GNAO1: variants seen among roughly 807,000 people sequenced by gnomAD.
GNAO1 encodes the protein G protein subunit alpha o1.
For missense variants in GNAO1, 166 were observed against 478.7 expected (o/e 0.35, Z 6.10); for synonymous variants, 164 against 180.7 (o/e 0.91, Z 0.74).
Position 56,354,318 on chromosome 16 carries a change from C to G in GNAO1, c.878-548C>G, listed in dbSNP as rs1215532510. Among the ~76,000 whole-genome samples the G allele has an allele frequency of 1.3e-5, 2 of 152,180 alleles. No homozygotes were observed. The highest frequency in any genetic ancestry group is 3.9e-4 in the East Asian group (2 of 5,176). On this transcript the variant is annotated intron_variant, in intron 7 of 8. Transcript: ENST00000262493. This position sits in a 1 kb window ranked among gnomAD's most constrained non-coding sequence, Gnocchi z 4.3. ...AGATCTTGCAAAGTCCAAAGCCAGGCAAATGCTCAGCCTGTGTATGGTTGG... is the reference window on the plus strand; with the variant it reads ...AGATCTTGCAAAGTCCAAAGCCAGGGAAATGCTCAGCCTGTGTATGGTTGG...
At chr16:56,266,283 G>T (rs1223590269) in intron 2 of GNAO1, among the ~76,000 whole-genome samples, 2 of 152,186 alleles carry the variant, frequency 1.3e-5, no homozygotes, top group African/African-American at 2.4e-5. Flanking sequence ...TCAGTGGGGG[G>T]ATTGAAGGAG....
chr16:56,325,009 C>G (rs1276638844), intron 3 of GNAO1, among the ~76,000 whole-genome samples: 1 of 152,252 alleles, frequency 6.6e-6, no homozygotes, highest in African/African-American at 2.4e-5. Flanking sequence ...CTTCCAGATG[C>G]TGACCTCATT....
At chr16:56,256,561 A>G (rs1457954139) in intron 2 of GNAO1, among the ~76,000 whole-genome samples, 1 of 152,062 alleles carries the variant, frequency 6.6e-6, no homozygotes, top group Non-Finnish European at 1.5e-5. Flanking sequence ...CAGTTCTCTA[A>G]TTTAGGATTG....
rs532816111 is a variant in GNAO1 at position 56,326,168 on chromosome 16, C to T, written c.304-2463C>T. Among the ~76,000 whole-genome samples, 97 of 152,210 alleles carry T rather than the reference C, an allele frequency of 6.4e-4. No individual in the cohort carries two copies. The highest frequency in any genetic ancestry group is 1.1e-3 in the Non-Finnish European group (77 of 68,042). On this transcript the variant is annotated intron_variant, in intron 3 of 8. Transcript: ENST00000262493. The surrounding 1 kb of genome is among the most constrained non-coding windows in gnomAD (Gnocchi z 4.8). ...GCCTCTTCCTGTCGCTGGGACATCT[C>T]GCAGTGCCACTCTGCTGGTGCACAC...
rs549484917 is a variant in GNAO1, at chr16:56,215,303, T to A, written c.161+22687T>A. The stretch of plus-strand genomic sequence containing the variant: ...TCAAGGTCCCATAGAGATGACTTCT[T>A]TGTCTATCTGAGTTTCGTAGACACA... On this transcript the variant is annotated intron_variant, in intron 2 of 8. Coordinates refer to ENST00000262493, the MANE Select transcript of GNAO1 (RefSeq NM_020988.3). Among the ~76,000 whole-genome samples the A allele has an allele frequency of 3.3e-5, 5 of 152,320 alleles. No homozygotes were observed. In the South Asian group the frequency reaches 1.0e-3, roughly 32 times the overall value.
At chr16:56,268,697 C>CA (rs2036982998) in intron 2 of GNAO1, among the ~76,000 whole-genome samples, 1 of 152,198 alleles carries the variant, frequency 6.6e-6, no homozygotes, top group Non-Finnish European at 1.5e-5. Context: ...CACATCCTCA[C>CA]ATAATAACTC....
chr16:56,194,073 C>A, intron 2 of GNAO1: 1 of 455,504 alleles, frequency 2.2e-6, no homozygotes, highest in South Asian at 1.5e-5. Context: ...GCATGACAAG[C>A]GGGTTCTAGG....
chr16:56,290,573 A>G (rs2143558211), intron 3 of GNAO1, among the ~76,000 whole-genome samples: 1 of 152,350 alleles, frequency 6.6e-6, no homozygotes, highest in African/African-American at 2.4e-5. Flanking sequence ...ACTTGTTCAT[A>G]GGCCCTCTTG....
At chr16:56,254,641 T>G (rs557601139) in intron 2 of GNAO1, among the ~76,000 whole-genome samples, 1 of 152,308 alleles carries the variant, frequency 6.6e-6, no homozygotes, top group South Asian at 2.1e-4. Flanking sequence ...ATCTGGCATC[T>G]TCTGTTTTTA....
chr16:56,235,227 G>A (rs753043389), intron 2 of GNAO1: 5 of 437,442 alleles, frequency 1.1e-5, no homozygotes, highest in Non-Finnish European at 2.3e-5. Context: ...CAAAGAGATT[G>A]CAGGACTTCC....
At chr16:56,223,612 A>G (rs2036510301) in intron 2 of GNAO1, among the ~76,000 whole-genome samples, 1 of 152,168 alleles carries the variant, frequency 6.6e-6, no homozygotes, top group African/African-American at 2.4e-5. Flanking sequence ...ACAGTGACCT[A>G]GGGAAATTTG....
intron 6 of GNAO1, among the ~76,000 whole-genome samples, chr16:56,338,384 G>T (rs2037763473): frequency 6.6e-6 from 1 of 152,220 alleles, no homozygotes; most frequent in Non-Finnish European, 1.5e-5. Flanking sequence ...CCTGGGCCGT[G>T]CTTGGACCCA....
chr16:56,325,375 T>C (rs752540758), intron 3 of GNAO1, among the ~76,000 whole-genome samples: 1 of 152,008 alleles, frequency 6.6e-6, no homozygotes, highest in Non-Finnish European at 1.5e-5. Context: ...ACTCAGGAGG[T>C]TAAGCCAGGA....
intron 2 of GNAO1, among the ~76,000 whole-genome samples, chr16:56,267,780 C>T (rs1452364459): frequency 6.6e-6 from 1 of 152,156 alleles, no homozygotes; most frequent in East Asian, 1.9e-4. Flanking sequence ...GTGTCTGTCG[C>T]TTTTATCCCA....
chr16:56,287,119 C>T (rs1311465078), intron 3 of GNAO1, among the ~76,000 whole-genome samples: 1 of 152,230 alleles, frequency 6.6e-6, no homozygotes, highest in Non-Finnish European at 1.5e-5. Context: ...GGTGCACAGC[C>T]CCCAGCCCAC....
intron 2 of GNAO1, among the ~76,000 whole-genome samples, chr16:56,265,780 T>C (rs1417516663): frequency 6.6e-6 from 1 of 152,080 alleles, no homozygotes; most frequent in African/African-American, 2.4e-5. Context: ...TGGGGACGAA[T>C]GTGTTTTTTT....
At position 56,326,096 on chromosome 16, in the gene GNAO1, A is replaced by G. The variant is rs2037629561; in HGVS notation, c.304-2535A>G. On this transcript the variant is annotated intron_variant, in intron 3 of 8. Transcript: ENST00000262493. This position sits in a 1 kb window ranked among gnomAD's most constrained non-coding sequence, Gnocchi z 4.8. ...TGGAAGCTGGCCTGGGCTCCACAGGACTCAGGGTCCAGCACACTCCTGTCC... is the reference window on the plus strand; with the variant it reads ...TGGAAGCTGGCCTGGGCTCCACAGGGCTCAGGGTCCAGCACACTCCTGTCC... 1.3e-5 allele frequency among the ~76,000 whole-genome samples: 2 copies of G among 152,070 alleles called. No individual in the cohort carries two copies. The highest frequency in any genetic ancestry group is 4.8e-5 in the African/African-American group (2 of 41,412).
intron 6 of GNAO1, chr16:56,346,901 C>A: frequency 1.0e-6 from 1 of 985,454 alleles, no homozygotes; most frequent in Non-Finnish European, 1.2e-6. Flanking sequence ...GGGATGGTCT[C>A]ACCCATGCCC....
chr16:56,335,307 G>A (rs1350785402), intron 5 of GNAO1, among the ~76,000 whole-genome samples: 6 of 152,190 alleles, frequency 3.9e-5, no homozygotes, highest in South Asian at 4.1e-4. Context: ...CTCCTAGTAC[G>A]CTTGGGAAGC....
Sources: gnomAD v4.1 joint callset for allele counts (sites outside exome capture counted in the v4.1 genomes callset) on GRCh38, gnomAD v4.1.1 for gene constraint, Gnocchi (gnomAD v3.1) non-coding constraint, MANE v1.5 for transcripts, NCBI Gene and HGNC (gene_info 2026-07-23, HGNC 2026-07-21) for gene names.